SPATA3: variants seen among roughly 807,000 people sequenced by gnomAD.
SPATA3 encodes spermatogenesis associated 3.
SPATA3 carries 6 observed loss-of-function variants against 5.7 expected under a neutral mutation model. The observed-to-expected ratio is 1.06, with a 90% CI of 0.58 to 2.09. SPATA3 has a LOEUF of 2.09. Ranked by LOEUF, SPATA3 falls within the 30% of genes most tolerant of loss-of-function variation. The pLI, the probability that SPATA3 is intolerant of heterozygous loss-of-function variation, is 0.00. For synonymous variants in SPATA3, 44 were observed against 48.4 expected (o/e 0.91, Z 0.37); for missense variants, 155 against 130.4 (o/e 1.19, Z -0.92).
downstream of SPATA3, chr2:231,007,072 A>C (rs1278521033): frequency 1.3e-5 from 2 of 152,150 alleles, no homozygotes; most frequent in African/African-American, 4.8e-5. Context: ...AATGGAAGAA[A>C]TTTGAATCCT....
chr2:231,010,938 A>G (rs1692765619), downstream of SPATA3, among the ~76,000 whole-genome samples: 1 of 150,846 alleles, frequency 6.6e-6, no homozygotes, highest in South Asian at 2.1e-4. Flanking sequence ...AAAAATACAA[A>G]AATTAGCACC....
intron 6 of SPATA3, among the ~76,000 whole-genome samples, chr2:231,014,456 C>T (rs1035026294): frequency 1.3e-5 from 2 of 152,180 alleles, no homozygotes; most frequent in Admixed American, 6.5e-5. Context: ...CTATGCACTG[C>T]GACTCACCCT....
chr2:231,005,539 C>A (rs1391399637), downstream of SPATA3, among the ~76,000 whole-genome samples: 1 of 104,564 alleles, frequency 9.6e-6, no homozygotes, highest in Non-Finnish European at 2.1e-5. Context: ...CCATCATCAC[C>A]ACCATCATCA....
chr2:231,005,379 T>TCAC (rs1692561277), downstream of SPATA3, among the ~76,000 whole-genome samples: 2 of 41,586 alleles, frequency 4.8e-5, no homozygotes, highest in African/African-American at 1.8e-4. Flanking sequence ...ATCACCACCA[T>TCAC]CACCACCACC....
intron 2 of SPATA3, among the ~76,000 whole-genome samples, chr2:231,002,180 T>C (rs145844004): frequency 6.6e-6 from 1 of 152,338 alleles, no homozygotes; most frequent in Non-Finnish European, 1.5e-5. Context: ...TAAACAAGAA[T>C]CCCTATTTTT....
At chr2:231,013,593 C>T (rs975251125) in intron 5 of SPATA3, among the ~76,000 whole-genome samples, 10 of 151,928 alleles carry the variant, frequency 6.6e-5, no homozygotes, top group African/African-American at 2.4e-4. Context: ...CAGGTTCAAG[C>T]GATTCTCCTG....
At chr2:231,000,972 G>A (rs1269091694) in intron 2 of SPATA3, among the ~76,000 whole-genome samples, 3 of 152,172 alleles carry the variant, frequency 2.0e-5, no homozygotes, top group Admixed American at 1.3e-4. Flanking sequence ...ATCTGCCTAC[G>A]AATGTCGCCC....
chr2:231,004,621 A>G (rs7603762), downstream of SPATA3, among the ~76,000 whole-genome samples: 58,030 of 152,004 alleles, frequency 0.38, 11,199 homozygotes, highest in South Asian at 0.46. Flanking sequence ...GCAACATGAC[A>G]AATGCACCCG....
intron 6 of SPATA3, among the ~76,000 whole-genome samples, chr2:231,019,068 A>G (rs894207698): frequency 9.6e-5 from 14 of 145,234 alleles, no homozygotes; most frequent in Non-Finnish European, 1.5e-4. Flanking sequence ...CCAGGTTCAC[A>G]CCATTCTCCT....
downstream of SPATA3, among the ~76,000 whole-genome samples, chr2:231,006,356 A>G (rs186639011): frequency 4.8e-3 from 708 of 147,450 alleles, 4 homozygotes; most frequent in African/African-American, 0.017. Flanking sequence ...AAAAAAAAAT[A>G]GCCGGGCGTG....
At chr2:231,009,786 C>T (rs1171330075), downstream of SPATA3, among the ~76,000 whole-genome samples, 1 of 139,054 alleles carries the variant, frequency 7.2e-6, no homozygotes, top group Non-Finnish European at 1.6e-5. Context: ...TCAAATCCTT[C>T]CCAGCACATT....
chr2:230,997,810 T>C (rs1374806230), intron 1 of SPATA3, among the ~76,000 whole-genome samples: 2 of 152,242 alleles, frequency 1.3e-5, no homozygotes, highest in African/African-American at 4.8e-5. Context: ...ATAATGGTGA[T>C]AGCAAACTAA....
downstream of SPATA3, chr2:231,002,873 G>A (rs1692406366): frequency 3.4e-6 from 3 of 895,468 alleles, no homozygotes; most frequent in African/African-American, 1.7e-5. Context: ...GTCTCTTCAG[G>A]TGGACCAAGC....
downstream of SPATA3, among the ~76,000 whole-genome samples, chr2:231,008,532 T>C (rs1238341360): frequency 2.0e-5 from 3 of 152,178 alleles, no homozygotes; most frequent in Non-Finnish European, 1.5e-5. Context: ...TGGGCCAGGC[T>C]GGAGCCCATT....
chr2:231,006,309 G>A (rs1025584820), downstream of SPATA3, among the ~76,000 whole-genome samples: 14 of 151,592 alleles, frequency 9.2e-5, no homozygotes, highest in African/African-American at 2.9e-4. Context: ...AGACCATCCT[G>A]GCCAACACGG....
chr2:231,001,463 G>T (rs1692350195), intron 2 of SPATA3, among the ~76,000 whole-genome samples: 1 of 151,890 alleles, frequency 6.6e-6, no homozygotes, highest in Admixed American at 6.6e-5. Flanking sequence ...CTCCTTTCTG[G>T]AGCTGAAAAA....
downstream of SPATA3, among the ~76,000 whole-genome samples, chr2:231,003,353 A>G (rs1692425288): frequency 6.6e-6 from 1 of 152,196 alleles, no homozygotes; most frequent in Non-Finnish European, 1.5e-5. Flanking sequence ...GGCAAGGGGC[A>G]TGGCTCATGC....
At chr2:231,006,969 C>G (rs981002601), downstream of SPATA3, 6 of 152,192 alleles carry the variant, frequency 3.9e-5, no homozygotes, top group African/African-American at 1.4e-4. Context: ...GCGCTGGCAC[C>G]GATGAGCTGA....
downstream of SPATA3, among the ~76,000 whole-genome samples, chr2:231,009,800 G>GGC (rs1692736459): frequency 7.6e-6 from 1 of 131,366 alleles, no homozygotes; most frequent in Non-Finnish European, 1.7e-5. Context: ...GCACATTGCA[G>GGC]ACTCATGAAT....
Sources: allele counts gnomAD v4.1 joint callset (sites outside exome capture counted in the v4.1 genomes callset), GRCh38; gene constraint gnomAD v4.1.1; transcripts MANE v1.5; gene names NCBI Gene and HGNC (gene_info 2026-07-23, HGNC 2026-07-21).